FGF14: variants seen among roughly 807,000 people sequenced by gnomAD.
The protein encoded by FGF14 is fibroblast growth factor 14.
FGF14 carries 5 observed loss-of-function variants against 25.5 expected under a neutral mutation model. That is an observed-to-expected ratio of 0.20 (90% confidence interval 0.10 to 0.41). The LOEUF is 0.41. Ranked by LOEUF, FGF14 falls within the 10% of genes least tolerant of loss-of-function variation. FGF14 has a pLI of 1.00. For synonymous variants in FGF14, 138 were observed against 118.3 expected, an observed-to-expected ratio of 1.17 and a Z score of -1.08; for missense variants, 222 against 320.1, an observed-to-expected ratio of 0.69 and a Z score of 2.34.
chr13:102,216,038 G>A (rs1253503183), intron 1 of FGF14, among the ~76,000 whole-genome samples: 2 of 152,108 alleles, frequency 1.3e-5, no homozygotes, highest in Non-Finnish European at 2.9e-5. Flanking sequence ...TTACAGAAGA[G>A]GCAAGAGACT....
intron 1 of FGF14, among the ~76,000 whole-genome samples, chr13:102,336,258 C>T (rs528563531): frequency 6.6e-5 from 10 of 152,058 alleles, no homozygotes; most frequent in Non-Finnish European, 8.8e-5. Context: ...GCTACTCCAG[C>T]GAACACATGA....
At chr13:102,124,329 T>C (rs550064294) in intron 1 of FGF14, among the ~76,000 whole-genome samples, 2 of 152,064 alleles carry the variant, frequency 1.3e-5, no homozygotes, top group African/African-American at 4.8e-5. Context: ...GAAAGCTATA[T>C]GGAGTTTTAA....
chr13:102,024,282 C>T (rs1325162833), intron 1 of FGF14, among the ~76,000 whole-genome samples: 1 of 152,062 alleles, frequency 6.6e-6, no homozygotes, highest in Admixed American at 6.6e-5. Context: ...TTCTTGCCAA[C>T]ACTTATTTCT....
chr13:102,251,702 A>G (rs58493474), intron 1 of FGF14, among the ~76,000 whole-genome samples: 232 of 152,224 alleles, frequency 1.5e-3, no homozygotes, highest in African/African-American at 5.2e-3. Flanking sequence ...CGTTGGGGCA[A>G]TTGGAACCCA....
chr13:102,281,960 C>T (rs548675151), intron 1 of FGF14, among the ~76,000 whole-genome samples: 5 of 152,184 alleles, frequency 3.3e-5, no homozygotes, highest in South Asian at 2.1e-4. Flanking sequence ...ATCATATGTC[C>T]GTACTGCAAA....
chr13:101,887,892 T>G (rs1294251335), intron 1 of FGF14, among the ~76,000 whole-genome samples: 2 of 152,158 alleles, frequency 1.3e-5, no homozygotes, highest in African/African-American at 4.8e-5. Context: ...ACAATAAAAA[T>G]GCTTGCTATA....
intron 3 of FGF14, among the ~76,000 whole-genome samples, chr13:101,816,189 G>A (rs1412122711): frequency 2.0e-5 from 3 of 150,068 alleles, no homozygotes; most frequent in Non-Finnish European, 4.4e-5. Flanking sequence ...AGAATGGCAT[G>A]AACCTGGGAG....
chr13:102,317,736 C>T (rs2056087973), intron 1 of FGF14, among the ~76,000 whole-genome samples: 1 of 152,160 alleles, frequency 6.6e-6, no homozygotes, highest in Admixed American at 6.6e-5. Context: ...AAACATCCCA[C>T]CCCTTCTGGC....
chr13:102,255,736 C>A (rs1159185059), intron 1 of FGF14, among the ~76,000 whole-genome samples: 2 of 152,276 alleles, frequency 1.3e-5, no homozygotes, highest in African/African-American at 4.8e-5. Context: ...GACACTTATG[C>A]TGGCAGAAAA....
intron 1 of FGF14, among the ~76,000 whole-genome samples, chr13:101,992,224 T>C (rs982967633): frequency 5.3e-5 from 8 of 152,114 alleles, no homozygotes; most frequent in African/African-American, 1.9e-4. Context: ...AAAAGTCTTT[T>C]GGGAAACCCA....
intron 3 of FGF14, among the ~76,000 whole-genome samples, chr13:101,857,059 C>T (rs1247026136): frequency 6.6e-6 from 1 of 151,974 alleles, no homozygotes; most frequent in African/African-American, 2.4e-5. Flanking sequence ...AGGGCACACA[C>T]AGTTAATTTA....
chr13:101,947,249 T>C (rs1008349913), intron 1 of FGF14, among the ~76,000 whole-genome samples: 5 of 152,200 alleles, frequency 3.3e-5, no homozygotes, highest in African/African-American at 1.2e-4. Flanking sequence ...ATAAATTAGT[T>C]CAGCCACTGT....
intron 1 of FGF14, among the ~76,000 whole-genome samples, chr13:102,000,764 T>A (rs1180009967): frequency 6.6e-6 from 1 of 152,210 alleles, no homozygotes; most frequent in African/African-American, 2.4e-5. Flanking sequence ...TCAGCTCACC[T>A]GCTCACTACA....
intron 3 of FGF14, among the ~76,000 whole-genome samples, chr13:101,769,924 C>T (rs1038127654): frequency 2.0e-5 from 3 of 152,098 alleles, no homozygotes; most frequent in African/African-American, 7.2e-5. Context: ...GAATGTATAA[C>T]ACCAAGGATA....
intron 1 of FGF14, among the ~76,000 whole-genome samples, chr13:101,999,078 A>G (rs1686887779): frequency 6.6e-6 from 1 of 152,196 alleles, no homozygotes; most frequent in Non-Finnish European, 1.5e-5. Flanking sequence ...GACTAGGGAG[A>G]GGCAGACTGG....
At chr13:102,384,406 AC>A (rs2058254897) in intron 1 of FGF14, among the ~76,000 whole-genome samples, 1 of 152,028 alleles carries the variant, frequency 6.6e-6, no homozygotes, top group African/African-American at 2.4e-5. Flanking sequence ...TCAAATTCCT[AC>A]CCCTCATTTA....
chr13:101,869,740 T>C (rs142218418), intron 2 of FGF14, among the ~76,000 whole-genome samples: 3 of 152,318 alleles, frequency 2.0e-5, no homozygotes, highest in Admixed American at 2.0e-4. Context: ...AGCACTAAAA[T>C]AGTGATGTAA....
At chr13:102,062,390 AAG>A (rs1566636147) in intron 1 of FGF14, among the ~76,000 whole-genome samples, 3 of 152,126 alleles carry the variant, frequency 2.0e-5, no homozygotes, top group Non-Finnish European at 2.9e-5. Flanking sequence ...CCTAACCAAA[AAG>A]AATATTTAAT....
chr13:102,094,208 A>G (rs1003693281), intron 1 of FGF14, among the ~76,000 whole-genome samples: 3 of 152,146 alleles, frequency 2.0e-5, no homozygotes, highest in Non-Finnish European at 2.9e-5. Flanking sequence ...CAGAATTGCT[A>G]TAAGAAAGGC....
Sources: gnomAD v4.1 joint callset for allele counts (sites outside exome capture counted in the v4.1 genomes callset) on GRCh38, gnomAD v4.1.1 for gene constraint, MANE v1.5 for transcripts, NCBI Gene and HGNC (gene_info 2026-07-23, HGNC 2026-07-21) for gene names.